The following MPZL2 variants were observed in gnomAD, a reference collection of about 807,000 sequenced individuals.
The protein encoded by MPZL2 is myelin protein zero like 2.
In MPZL2, 32 loss-of-function variants were observed where a neutral mutation model predicts 24.5. The ratio of observed to expected loss-of-function variants is 1.31; its 90% CI spans 0.99 to 1.76. The LOEUF (loss-of-function observed/expected upper bound fraction) is 1.76. Ranked by LOEUF, MPZL2 falls within the 40% of genes most tolerant of loss-of-function variation. The pLI is 0.00. For synonymous variants in MPZL2, 92 were observed against 97.9 expected, an observed-to-expected ratio of 0.94 and a Z score of 0.36; for missense variants, 304 against 274.9, an observed-to-expected ratio of 1.11 and a Z score of -0.75.
At chr11:118,262,352 C>A (rs1238760172) in intron 3 of MPZL2, 86 bp downstream of exon 3, 3 of 1,387,798 alleles carry the variant, frequency 2.2e-6, no homozygotes, top group Admixed American at 1.8e-5. Context: ...AAGATTGTCC[C>A]TCTCTCTCAG....
At chr11:118,263,984 A>G in intron 1 of MPZL2, 112 bp downstream of exon 1, 1 of 1,126,900 alleles carries the variant, frequency 8.9e-7, no homozygotes, top group Non-Finnish European at 1.3e-6. Context: ...AACAAACTGT[A>G]TCTGTGGCTC....
chr11:118,260,819 G>A (rs1021356472), intron 3 of MPZL2, among the ~76,000 whole-genome samples: 1 of 152,168 alleles, frequency 6.6e-6, no homozygotes, highest in African/African-American at 2.4e-5. Context: ...GGAAACCAGA[G>A]GGAAGGTCCC....
intron 2 of MPZL2, 102 bp from the exon 3 acceptor site, chr11:118,262,750 G>T: frequency 7.3e-7 from 1 of 1,365,790 alleles, no homozygotes; most frequent in Non-Finnish European, 1.0e-6. Flanking sequence ...CAACTGTCCT[G>T]TCTGCAGCTC....
At chr11:118,260,599 C>T (rs1949694238) in intron 3 of MPZL2, among the ~76,000 whole-genome samples, 1 of 152,200 alleles carries the variant, frequency 6.6e-6, no homozygotes, top group South Asian at 2.1e-4. Flanking sequence ...CTAACCTCAT[C>T]AAACGTAGTG....
At chr11:118,263,133 G>A in intron 1 of MPZL2, 36 bp from the exon 2 acceptor site, 10 of 1,598,860 alleles carry the variant, frequency 6.3e-6, no homozygotes, top group Non-Finnish European at 8.5e-6. Context: ...GGGTTAACAG[G>A]GGATGTAGTA....
intron 3 of MPZL2, among the ~76,000 whole-genome samples, chr11:118,261,469 A>G (rs1949700045): frequency 6.6e-6 from 1 of 152,238 alleles, no homozygotes; most frequent in Non-Finnish European, 1.5e-5. Context: ...AAAATAATTC[A>G]TGTAAGTTGT....
rs1442030726 is a variant in MPZL2 at position 118,262,581 on chromosome 11, T to C, written c.293A>G (p.Asp98Gly). ...GGCATCGTACCGCTCAGGATTCCCA[T>C]CCCAAGACACCCGGTCCTTAAACCG... ...SGRFKDRVSW[D>G]GNPERYDASI... is the part of the protein sequence containing the mutation. Residue 98 changes from aspartate to glycine, a missense_variant, in exon 3 of 6, where the codon GAT (aspartate) becomes GGT (glycine). Physicochemically the swap from Asp to Gly is moderately conservative, Grantham distance 94. Transcript: ENST00000278937. The C allele has an allele frequency of 6.2e-7, 1 of 1,613,980 alleles. No homozygotes were observed. The highest frequency in any genetic ancestry group is 2.2e-5 in the East Asian group (1 of 44,890).
In MPZL2 at chr11:118,255,072, T is replaced by G. The variant is rs1949652895; in HGVS notation, c.*174A>C. On this transcript the variant is annotated 3_prime_UTR_variant, in exon 6 of 6. Transcript: ENST00000278937. ...ATGAGGCTGTGTATGACTGGTGATATGGAGGAGCACTGTGCTGGCTCCAGA... is the reference window on the plus strand; with the variant it reads ...ATGAGGCTGTGTATGACTGGTGATAGGGAGGAGCACTGTGCTGGCTCCAGA... 1.3e-5 allele frequency: 2 copies of G among 152,320 alleles called. No individual in the cohort carries two copies. The highest frequency in any genetic ancestry group is 4.8e-5 in the African/African-American group (2 of 41,556). The allele number at this position is 152,320 out of a possible 1,614,324, so 9.4% of individuals were successfully genotyped here.
chr11:118,264,210 AC>A lies in MPZL2; in HGVS notation c.-58del. 2 of 1,574,390 alleles carry A rather than the reference AC, an allele frequency of 1.3e-6. No individual in the cohort carries two copies. The highest frequency in any genetic ancestry group is 1.7e-6 in the Non-Finnish European group (2 of 1,145,074). On this transcript the variant is annotated 5_prime_UTR_variant, in exon 1 of 6. Transcript: ENST00000278937. The stretch of plus-strand genomic sequence containing the variant: ...GACGGGGCAGACCGAGGGCTCCAAC[AC>A]CCTGCCAAGGCCACTCCGGGAGGAG...
At position 118,264,228 on chromosome 11, in the gene MPZL2, C is replaced by T; in HGVS notation, c.-75G>A. Reference sequence around the variant, plus strand: ...CTCCAACACCCTGCCAAGGCCACTCCGGGAGGAGCAAGCACCGCGTTTTCC... The same window carrying T: ...CTCCAACACCCTGCCAAGGCCACTCTGGGAGGAGCAAGCACCGCGTTTTCC... On this transcript the variant is annotated 5_prime_UTR_variant, in exon 1 of 6. Coordinates refer to ENST00000278937, the MANE Select transcript of MPZL2 (RefSeq NM_005797.4). 7.0e-7 allele frequency: 1 copy of T among 1,437,242 alleles called. No homozygotes were observed. Among genetic ancestry groups the T allele is most frequent in the South Asian group, 1.1e-5 (1 of 87,212 alleles). 89.0% of individuals were successfully genotyped at this position (1,437,242 alleles called of 1,614,324 possible). A position where few individuals can be genotyped will look rare whatever the true frequency, so the allele number is the denominator to read the frequency against.
chr11:118,262,318 A>C, intron 3 of MPZL2, 120 bp downstream of exon 3: 1 of 1,023,528 alleles, frequency 9.8e-7, no homozygotes, highest in Non-Finnish European at 1.5e-6. Context: ...CTGAAGGGCT[A>C]GTCCCTCTCT....
chr11:118,260,135 A>G lies in MPZL2; in HGVS notation c.503T>C (p.Ile168Thr). 6.2e-7 allele frequency: 1 copy of G among 1,614,096 alleles called. No individual in the cohort carries two copies. Among genetic ancestry groups the G allele is most frequent in the Non-Finnish European group, 8.5e-7 (1 of 1,179,954 alleles). The part of the protein sequence containing the change: ...IGSACALMII[I>T]VIVVVLFQHY... The stretch of plus-strand genomic sequence containing the variant: ...CTGGAAGAGGACCACTACAATTACT[A>G]TTATGATCATCAGTGCACAGGCAGA... The change falls in exon 4 of 6, where the codon ATA becomes ACA. Residue 168 changes from isoleucine to threonine, a missense_variant. By Grantham distance (89) the Ile-to-Thr change is moderately conservative. Coordinates refer to ENST00000278937, the MANE Select transcript of MPZL2 (RefSeq NM_005797.4).
Position 118,264,191 on chromosome 11 carries a change from G to C in MPZL2, c.-38C>G. 6.2e-7 allele frequency: 1 copy of C among 1,606,752 alleles called. No individual in the cohort carries two copies. The highest frequency in any genetic ancestry group is 8.5e-7 in the Non-Finnish European group (1 of 1,173,666). The stretch of plus-strand genomic sequence containing the variant: ...GCCTTGGCCCCAGAGACCGGACGGG[G>C]CAGACCGAGGGCTCCAACACCCTGC... On this transcript the variant is annotated 5_prime_UTR_variant, in exon 1 of 6. Coordinates refer to ENST00000278937, the MANE Select transcript of MPZL2 (RefSeq NM_005797.4).
intron 1 of MPZL2, 42 bp downstream of exon 1, chr11:118,264,054 C>A (rs778100286): frequency 5.1e-6 from 8 of 1,574,208 alleles, no homozygotes; most frequent in Non-Finnish European, 7.0e-6. Flanking sequence ...ATAGAGTGAG[C>A]AGTGAAGGAG....
chr11:118,262,469 T>C lies in MPZL2; in HGVS notation c.405A>G (p.Ile135Met), dbSNP rs779775984. 6.2e-6 allele frequency: 10 copies of C among 1,614,112 alleles called. No homozygotes were observed. The Admixed American group carries it at 1.7e-4, about 27-fold the overall frequency. The change falls in exon 3 of 6, where the codon ATA becomes ATG. Residue 135 changes from isoleucine (I) to methionine (M), a missense_variant. By Grantham distance (10) the Ile-to-Met change is conservative. Coordinates refer to ENST00000278937, the MANE Select transcript of MPZL2 (RefSeq NM_005797.4). ...GCACGACGCTGAGCCGGATCTCCCCTATCACCCCATCAACATCAGGTGGGT... is the reference window on the plus strand; with the variant it reads ...GCACGACGCTGAGCCGGATCTCCCCCATCACCCCATCAACATCAGGTGGGT... ...VKNPPDVDGV[I>M]GEIRLSVVHT... is the part of the protein sequence containing the mutation.
intron 5 of MPZL2, among the ~76,000 whole-genome samples, chr11:118,256,511 G>T (rs555374164): frequency 5.9e-5 from 9 of 152,106 alleles, no homozygotes; most frequent in Admixed American, 4.6e-4. Flanking sequence ...TTAGCTGGGT[G>T]TAGTGGCGCG....
rs1486496467 is a variant in MPZL2, at chr11:118,254,480, T to G, written c.*766A>C. 6.6e-6 allele frequency: 1 copy of G among 152,254 alleles called. No individual in the cohort carries two copies. Among genetic ancestry groups the G allele is most frequent in the Non-Finnish European group, 1.5e-5 (1 of 68,042 alleles). 9.4% of individuals were successfully genotyped at this position (152,254 alleles called of 1,614,324 possible). A position where few individuals can be genotyped will look rare whatever the true frequency, so the allele number is the denominator to read the frequency against. On this transcript the variant is annotated 3_prime_UTR_variant, in exon 6 of 6. Coordinates refer to ENST00000278937, the MANE Select transcript of MPZL2 (RefSeq NM_005797.4). ...AAGCTAAACTATCCGTCACTGCTCA[T>G]GAAAGACCCACATTGTTGATTATTT...
In MPZL2 at chr11:118,264,195, A is replaced by G; in HGVS notation, c.-42T>C. 1 of 1,604,668 alleles carries G rather than the reference A, an allele frequency of 6.2e-7. No individual in the cohort carries two copies. Among genetic ancestry groups the G allele is most frequent in the Non-Finnish European group, 8.5e-7 (1 of 1,171,728 alleles). On this transcript the variant is annotated 5_prime_UTR_variant, in exon 1 of 6. Coordinates refer to ENST00000278937, the MANE Select transcript of MPZL2 (RefSeq NM_005797.4). ...TGGCCCCAGAGACCGGACGGGGCAG[A>G]CCGAGGGCTCCAACACCCTGCCAAG...
rs1181214225 is a variant in MPZL2, at chr11:118,254,997, A to G, written c.*249T>C. 2 of 152,236 alleles carry G rather than the reference A, an allele frequency of 1.3e-5. No individual in the cohort carries two copies. The highest frequency in any genetic ancestry group is 2.9e-5 in the Non-Finnish European group (2 of 68,048). 9.4% of individuals were successfully genotyped at this position (152,236 alleles called of 1,614,324 possible). On this transcript the variant is annotated 3_prime_UTR_variant, in exon 6 of 6. Coordinates refer to ENST00000278937, the MANE Select transcript of MPZL2 (RefSeq NM_005797.4). The stretch of plus-strand genomic sequence containing the variant: ...ATGTAGCTTCTTGTTTATAAAACCT[A>G]ATGAGCACTTGAAAAAATTTACACT...
Sources: gnomAD v4.1 joint callset for allele counts (sites outside exome capture counted in the v4.1 genomes callset) on GRCh38, gnomAD v4.1.1 for gene constraint, MANE v1.5 for transcripts, NCBI Gene and HGNC (gene_info 2026-07-23, HGNC 2026-07-21) for gene names.